The following XKR6 variants were observed in gnomAD, a reference collection of about 807,000 sequenced individuals.
The protein encoded by XKR6 is XK related 6, also known as XK-related protein 6.
A neutral mutation model predicts 56.7 loss-of-function variants in XKR6; 22 were observed. The observed-to-expected ratio is 0.39, with a 90% CI of 0.28 to 0.55. The LOEUF is 0.55. Ranked by LOEUF, XKR6 falls within the 20% of genes least tolerant of loss-of-function variation. The pLI, the probability that XKR6 is intolerant of heterozygous loss-of-function variation, is 0.66. For synonymous variants in XKR6, 524 were observed against 387.8 expected (o/e 1.35, Z -4.13); for missense variants, 852 against 889.0 (o/e 0.96, Z 0.53).
At chr8:10,961,668 C>T (rs762921846) in intron 1 of XKR6, among the ~76,000 whole-genome samples, 11 of 152,360 alleles carry the variant, frequency 7.2e-5, no homozygotes, top group East Asian at 5.8e-4. Flanking sequence ...ACACTGTGCA[C>T]GGTCTGAGAG....
chr8:11,002,173 T>C (rs1031909801), intron 1 of XKR6, among the ~76,000 whole-genome samples: 4 of 151,976 alleles, frequency 2.6e-5, no homozygotes, highest in African/African-American at 9.7e-5. Context: ...CTGCTGTGAA[T>C]GCCTCACCCT....
chr8:11,078,762 T>A (rs538766619), intron 1 of XKR6, among the ~76,000 whole-genome samples: 2 of 152,130 alleles, frequency 1.3e-5, no homozygotes, highest in Non-Finnish European at 2.9e-5. Context: ...AGGCCCAGAA[T>A]GACGAGAGAG....
At chr8:11,147,465 G>T (rs1324413877) in intron 1 of XKR6, among the ~76,000 whole-genome samples, 1 of 151,668 alleles carries the variant, frequency 6.6e-6, no homozygotes, top group Non-Finnish European at 1.5e-5. Context: ...AGACAATCCT[G>T]GCCAACATGG....
chr8:11,170,046 T>G (rs1802289189), intron 1 of XKR6, among the ~76,000 whole-genome samples: 1 of 152,180 alleles, frequency 6.6e-6, no homozygotes, highest in Admixed American at 6.5e-5. Context: ...GATCTGACGT[T>G]AGATCTAAGT....
At chr8:11,024,613 T>C (rs1204166748) in intron 1 of XKR6, among the ~76,000 whole-genome samples, 8 of 152,254 alleles carry the variant, frequency 5.3e-5, no homozygotes, top group Admixed American at 5.2e-4. Context: ...ATGCTGGCAC[T>C]GTCAGAACTA....
intron 1 of XKR6, among the ~76,000 whole-genome samples, chr8:10,958,186 C>T (rs1801954710): frequency 6.6e-6 from 1 of 152,184 alleles, no homozygotes; most frequent in African/African-American, 2.4e-5. Flanking sequence ...ATGGACTCTG[C>T]CAGCCCTTCC....
At chr8:11,173,126 G>C (rs920763814) in intron 1 of XKR6, among the ~76,000 whole-genome samples, 1 of 150,886 alleles carries the variant, frequency 6.6e-6, no homozygotes, top group Non-Finnish European at 1.5e-5. Context: ...ACGAGGTCAG[G>C]AGATCGAGAC....
At chr8:10,997,155 C>G (rs1798132017) in intron 1 of XKR6, among the ~76,000 whole-genome samples, 2 of 152,118 alleles carry the variant, frequency 1.3e-5, no homozygotes, top group African/African-American at 4.8e-5. Flanking sequence ...ACCTTCGTAG[C>G]TTTTATGTAT....
At chr8:10,983,479 A>C in intron 1 of XKR6, among the ~76,000 whole-genome samples, 1 of 152,168 alleles carries the variant, frequency 6.6e-6, no homozygotes, top group Middle Eastern at 3.2e-3. Context: ...GGAAAGATAG[A>C]AAAGGTAAAG....
chr8:11,090,585 T>C (rs1397989577), intron 1 of XKR6, among the ~76,000 whole-genome samples: 3 of 152,164 alleles, frequency 2.0e-5, no homozygotes, highest in Non-Finnish European at 4.4e-5. Context: ...TGCCATATGA[T>C]AGATATGAAA....
chr8:11,053,439 G>C (rs527914813), intron 1 of XKR6, among the ~76,000 whole-genome samples: 3 of 152,354 alleles, frequency 2.0e-5, no homozygotes, highest in African/African-American at 4.8e-5. Context: ...TAGAAAGAAA[G>C]CTGGCTCCCA....
At chr8:10,914,018 A>T (rs1401931679) in intron 2 of XKR6, among the ~76,000 whole-genome samples, 2 of 152,202 alleles carry the variant, frequency 1.3e-5, no homozygotes, top group Non-Finnish European at 2.9e-5. Flanking sequence ...TCCGGGCCCA[A>T]ATCTTGCCTC....
At position 11,200,458 on chromosome 8, in the gene XKR6, CG is replaced by C; in HGVS notation, c.764+117del. 8.0e-7 allele frequency: 1 copy of C among 1,252,960 alleles called. No homozygotes were observed. Among genetic ancestry groups the C allele is most frequent in the Non-Finnish European group, 1.0e-6 (1 of 979,166 alleles). 77.6% of individuals were successfully genotyped at this position (1,252,960 alleles called of 1,614,324 possible). On this transcript the variant is annotated intron_variant, in intron 1 of 2. Coordinates refer to ENST00000416569, the MANE Select transcript of XKR6 (RefSeq NM_173683.4). The surrounding 1 kb of genome is among the most constrained non-coding windows in gnomAD (Gnocchi z 6.4). Reference sequence around the variant, plus strand: ...GGAGACGCCAGGGGCGGCGCGCGGCCGGTCCCTCCTTCGAGCCCCCCGCGCT... The same window carrying C: ...GGAGACGCCAGGGGCGGCGCGCGGCCGTCCCTCCTTCGAGCCCCCCGCGCT...
chr8:11,029,079 T>G (rs965624161), intron 1 of XKR6, among the ~76,000 whole-genome samples: 1 of 152,040 alleles, frequency 6.6e-6, no homozygotes, highest in African/African-American at 2.4e-5. Context: ...GCTGGCTGAG[T>G]CCTCAGCGAC....
chr8:11,054,381 G>T (rs954971175), intron 1 of XKR6, among the ~76,000 whole-genome samples: 4 of 152,228 alleles, frequency 2.6e-5, no homozygotes, highest in African/African-American at 9.6e-5. Flanking sequence ...AGGACTATGT[G>T]CCCTGTACAA....
chr8:10,982,616 G>A (rs540241372), intron 1 of XKR6, among the ~76,000 whole-genome samples: 18 of 152,324 alleles, frequency 1.2e-4, no homozygotes, highest in African/African-American at 3.4e-4. Context: ...ATGGTGAGAA[G>A]TCCGGGAGAT....
At chr8:11,134,715 C>T (rs937634987) in intron 1 of XKR6, among the ~76,000 whole-genome samples, 1 of 152,076 alleles carries the variant, frequency 6.6e-6, no homozygotes, top group Non-Finnish European at 1.5e-5. Flanking sequence ...CACACACACA[C>T]AGCCCCAAAA....
chr8:10,976,465 C>G (rs1478526235), intron 1 of XKR6, among the ~76,000 whole-genome samples: 2 of 152,142 alleles, frequency 1.3e-5, no homozygotes, highest in African/African-American at 4.8e-5. Flanking sequence ...GACCTGAGAA[C>G]CAGATACGCC....
At chr8:11,117,054 T>A (rs974240160) in intron 1 of XKR6, among the ~76,000 whole-genome samples, 2 of 152,230 alleles carry the variant, frequency 1.3e-5, no homozygotes, top group African/African-American at 4.8e-5. Context: ...TTCTAGTGAG[T>A]TAGTTACAAA....
Sources: gnomAD v4.1 joint callset for allele counts (sites outside exome capture counted in the v4.1 genomes callset) on GRCh38, gnomAD v4.1.1 for gene constraint, Gnocchi (gnomAD v3.1) non-coding constraint, MANE v1.5 for transcripts, NCBI Gene and HGNC (gene_info 2026-07-23, HGNC 2026-07-21) for gene names.